The following CHD1 variants were observed in gnomAD, a reference collection of about 807,000 sequenced individuals.
The protein encoded by CHD1 is ATP-dependent chromatin remodeler CHD1.
A neutral mutation model predicts 224.2 loss-of-function variants in CHD1; 36 were observed. The observed-to-expected ratio is 0.16, with a 90% CI of 0.12 to 0.21. The LOEUF is 0.21. CHD1 is among the 10% of genes least tolerant of loss of function. CHD1 has a pLI of 1.00. For missense variants in CHD1, 1,378 were observed against 1,994.8 expected (o/e 0.69, Z 5.89); for synonymous variants, 668 against 658.3 (o/e 1.01, Z -0.23).
chr5:98,922,960 G>C (rs1753202477), intron 2 of CHD1, among the ~76,000 whole-genome samples: 1 of 151,858 alleles, frequency 6.6e-6, no homozygotes, highest in South Asian at 2.1e-4. Flanking sequence ...CTGCACTGCA[G>C]CCTGGGCGAC....
Position 98,900,925 on chromosome 5 carries a change from T to C in CHD1, c.745A>G (p.Lys249Glu), listed in dbSNP as rs779815488. Residue 249 changes from lysine to glutamate, a missense_variant, in exon 7 of 36, where the codon AAA becomes GAA. This residue lies in a region of CHD1 where 306 missense variants were observed against 298.1 expected (regional missense o/e 1.03). Transcript: ENST00000614616. ...TCCAGTAGGTCATCAGAATCTGTTT[T>C]CATTTCTTCATCCTCCTTATAGCTA... is the stretch of plus-strand genomic sequence containing the variant. Reference protein sequence around the residue: ...NVSYKEDEEMKTDSDDLLEVC... With the variant: ...NVSYKEDEEMETDSDDLLEVC... 1 of 1,614,160 alleles carries C rather than the reference T, an allele frequency of 6.2e-7. No individual in the cohort carries two copies. The highest frequency in any genetic ancestry group is 1.7e-5 in the Admixed American group (1 of 60,036).
chr5:98,875,050 T>A (rs1428039024), intron 25 of CHD1, 22 bp downstream of exon 25: 1 of 1,192,800 alleles, frequency 8.4e-7, no homozygotes, highest in South Asian at 1.3e-5. Context: ...CATTATTCTA[T>A]GAGAATAATA....
Position 98,892,727 on chromosome 5 carries a change from G to A in CHD1, c.1992-14C>T. On this transcript the variant is annotated splice_polypyrimidine_tract_variant and intron_variant, in intron 14 of 35. Coordinates refer to ENST00000614616, the MANE Select transcript of CHD1 (RefSeq NM_001270.4). ...CAGGAAGAAAACCTTTAAAATTTAAGAAATTGGAACAATTACTAGAAAAAA... is the reference window on the plus strand; with the variant it reads ...CAGGAAGAAAACCTTTAAAATTTAAAAAATTGGAACAATTACTAGAAAAAA... 1 of 1,540,788 alleles carries A rather than the reference G, an allele frequency of 6.5e-7. No homozygotes were observed. Among genetic ancestry groups the A allele is most frequent in the African/African-American group, 1.4e-5 (1 of 72,548 alleles).
intron 1 of CHD1, among the ~76,000 whole-genome samples, chr5:98,926,740 A>G (rs1009564324): frequency 2.6e-5 from 4 of 152,182 alleles, no homozygotes; most frequent in African/African-American, 9.7e-5. Flanking sequence ...TGCTACTGCT[A>G]ATATACTTCG....
intron 15 of CHD1, among the ~76,000 whole-genome samples, chr5:98,891,509 T>C (rs1751017298): frequency 6.6e-6 from 1 of 152,050 alleles, no homozygotes; most frequent in East Asian, 1.9e-4. Context: ...AAGACTGGCA[T>C]GAGTTGAAAG....
chr5:98,876,872 T>C (rs557599109), intron 23 of CHD1, among the ~76,000 whole-genome samples: 1 of 152,214 alleles, frequency 6.6e-6, no homozygotes, highest in Non-Finnish European at 1.5e-5. Context: ...ATTTACATCA[T>C]AAAAGAAAAA....
chr5:98,882,136 A>C lies in CHD1; in HGVS notation c.2719-13T>G, dbSNP rs1181127938. On this transcript the variant is annotated splice_polypyrimidine_tract_variant and intron_variant, in intron 19 of 35. Transcript: ENST00000614616. ...GATAAATATTCACCTGTAAAAATAC[A>C]CATGAGGAAACAAATTGCAGTATAA... is the stretch of plus-strand genomic sequence containing the variant. 6.2e-7 allele frequency: 1 copy of C among 1,607,662 alleles called. No individual in the cohort carries two copies. Among genetic ancestry groups the C allele is most frequent in the Non-Finnish European group, 8.5e-7 (1 of 1,177,342 alleles).
intron 2 of CHD1, among the ~76,000 whole-genome samples, chr5:98,905,359 C>T (rs1751980748): frequency 6.6e-6 from 1 of 152,056 alleles, no homozygotes; most frequent in South Asian, 2.1e-4. Context: ...AAAACATAAG[C>T]AATAAGATTG....
At chr5:98,863,343 A>T (rs1400361965) in intron 32 of CHD1, 65 bp downstream of exon 32, 10 of 931,470 alleles carry the variant, frequency 1.1e-5, no homozygotes, top group Non-Finnish European at 1.5e-5. Flanking sequence ...AGGAAAGAAA[A>T]CAAAAAAAAA....
At chr5:98,887,542 T>C (rs1166587688) in intron 17 of CHD1, among the ~76,000 whole-genome samples, 1 of 152,198 alleles carries the variant, frequency 6.6e-6, no homozygotes, top group African/African-American at 2.4e-5. Flanking sequence ...CACCTGACTT[T>C]AAATACTCAT....
chr5:98,868,723 C>T (rs1041395191), intron 30 of CHD1, 88 bp from the exon 31 acceptor site: 1 of 1,247,900 alleles, frequency 8.0e-7, no homozygotes. Context: ...TAATTACTGT[C>T]TCATTTTATT....
Position 98,898,264 on chromosome 5 carries a change from C to G in CHD1, c.1357G>C (p.Asp453His). The change falls in exon 10 of 36, where the codon GAT becomes CAT. Residue 453 changes from aspartate (D) to histidine (H), a missense_variant. Around this residue, in one of 16 missense-constraint regions of CHD1, gnomAD observed 86 missense variants for 97.7 expected, o/e 0.88. Coordinates refer to ENST00000614616, the MANE Select transcript of CHD1 (RefSeq NM_001270.4). ...RNQSKTTPFK[D>H]CKVLKQRPRF... The stretch of plus-strand genomic sequence containing the variant: ...TGTTAGACAATACTCACTTTGCAAT[C>G]TTTAAAAGGAGTGGTTTTTGATTGG... 1 of 1,517,870 alleles carries G rather than the reference C, an allele frequency of 6.6e-7. No homozygotes were observed. The allele number at this position is 1,517,870 out of a possible 1,614,324, so 94.0% of individuals were successfully genotyped here. A position where few individuals can be genotyped will look rare whatever the true frequency, so the allele number is the denominator to read the frequency against.
chr5:98,919,195 G>C (rs1252239410), intron 2 of CHD1, among the ~76,000 whole-genome samples: 1 of 152,150 alleles, frequency 6.6e-6, no homozygotes, highest in Non-Finnish European at 1.5e-5. Flanking sequence ...GACCTTTTAA[G>C]ATGAAGGAAT....
chr5:98,886,894 G>C (rs1750685128), intron 17 of CHD1, among the ~76,000 whole-genome samples: 1 of 152,082 alleles, frequency 6.6e-6, no homozygotes, highest in African/African-American at 2.4e-5. Flanking sequence ...TAGCAACAGA[G>C]AAGTGGCGCT....
intron 15 of CHD1, among the ~76,000 whole-genome samples, chr5:98,890,486 A>C (rs1750941431): frequency 6.6e-6 from 1 of 152,156 alleles, no homozygotes; most frequent in Non-Finnish European, 1.5e-5. Context: ...TTTTCCAGAA[A>C]TTTATGGCAG....
chr5:98,923,125 T>C (rs929758510), intron 2 of CHD1, among the ~76,000 whole-genome samples: 1 of 152,222 alleles, frequency 6.6e-6, no homozygotes, highest in African/African-American at 2.4e-5. Flanking sequence ...TTCTTTGTAA[T>C]GTCTTATGAC....
rs1491406165 is a variant in CHD1, at chr5:98,854,174, TTC to T, written c.*2204_*2205del. 3 of 130,250 alleles carry T rather than the reference TTC, an allele frequency of 2.3e-5. No individual in the cohort carries two copies. The East Asian group carries it at 5.8e-4, about 25-fold the overall frequency. 8.1% of individuals were successfully genotyped at this position (130,250 alleles called of 1,614,324 possible). A position where few individuals can be genotyped will look rare whatever the true frequency, so the allele number is the denominator to read the frequency against. On this transcript the variant is annotated 3_prime_UTR_variant, in exon 36 of 36. Coordinates refer to ENST00000614616, the MANE Select transcript of CHD1 (RefSeq NM_001270.4). ...GTTCTTCACCATTGCGTCTTAATTT[TTC>T]TGATTTCTTACAAAAATGAACATAT...
intron 30 of CHD1, chr5:98,869,013 C>A (rs1749117382): frequency 1.2e-6 from 1 of 840,512 alleles, no homozygotes; most frequent in Non-Finnish European, 1.4e-6. Context: ...GATTTGCATA[C>A]CTTTTCTTCC....
Position 98,881,379 on chromosome 5 carries a change from A to G in CHD1, c.2868-4T>C, listed in dbSNP as rs756719506. The G allele has an allele frequency of 8.6e-6, 12 of 1,402,056 alleles. No individual in the cohort carries two copies. The South Asian group carries it at 1.5e-4, about 17-fold the overall frequency. The allele number at this position is 1,402,056 out of a possible 1,614,324, so 86.9% of individuals were successfully genotyped here. A position where few individuals can be genotyped will look rare whatever the true frequency, so the allele number is the denominator to read the frequency against. On this transcript the variant is annotated splice_polypyrimidine_tract_variant and splice_region_variant and intron_variant, in intron 20 of 35. Coordinates refer to ENST00000614616, the MANE Select transcript of CHD1 (RefSeq NM_001270.4). Reference sequence around the variant, plus strand: ...TTCTTTATTGAAAGGAGTAGAACTAAAACAGGAAAAACAAAAATGCTTAAC... The same window carrying G: ...TTCTTTATTGAAAGGAGTAGAACTAGAACAGGAAAAACAAAAATGCTTAAC...
Sources: gnomAD v4.1 joint callset for allele counts (sites outside exome capture counted in the v4.1 genomes callset) on GRCh38, gnomAD v4.1.1 for gene constraint, gnomAD v4.1.1 regional missense constraint, MANE v1.5 for transcripts, NCBI Gene and HGNC (gene_info 2026-07-23, HGNC 2026-07-21) for gene names.